The following CCNB1IP1 variants were observed in gnomAD, a reference collection of about 807,000 sequenced individuals.
The protein encoded by CCNB1IP1 is cyclin B1 interacting protein 1.
In CCNB1IP1, 14 loss-of-function variants were observed where a neutral mutation model predicts 25.6. That is an observed-to-expected ratio of 0.55 (90% CI 0.36 to 0.85). The LOEUF is 0.85. CCNB1IP1 is among the 40% of genes least tolerant of loss of function. The pLI is 0.01. For synonymous variants in CCNB1IP1, 119 were observed against 116.1 expected, an observed-to-expected ratio of 1.02 and a Z score of -0.16; for missense variants, 278 against 342.4, an observed-to-expected ratio of 0.81 and a Z score of 1.48.
intron 2 of CCNB1IP1, among the ~76,000 whole-genome samples, chr14:20,328,888 C>T (rs1011616063): frequency 2.0e-5 from 3 of 152,192 alleles, no homozygotes; most frequent in Non-Finnish European, 4.4e-5. Context: ...TGCAAATGCT[C>T]CATAAACAAT....
intron 4 of CCNB1IP1, among the ~76,000 whole-genome samples, chr14:20,322,172 CT>C (rs1882914664): frequency 6.6e-6 from 1 of 152,176 alleles, no homozygotes; most frequent in African/African-American, 2.4e-5. Flanking sequence ...ATAATAGGCA[CT>C]GATTCCAGGT....
At chr14:20,311,934 A>G (rs946917795) in intron 6 of CCNB1IP1, among the ~76,000 whole-genome samples, 182 bp from the exon 7 acceptor site, 3 of 152,198 alleles carry the variant, frequency 2.0e-5, no homozygotes, top group African/African-American at 7.2e-5. Context: ...AAAACATTGC[A>G]ATAAACATTC....
intron 4 of CCNB1IP1, among the ~76,000 whole-genome samples, chr14:20,317,380 G>A (rs1451609256): frequency 1.3e-5 from 2 of 151,932 alleles, no homozygotes; most frequent in Non-Finnish European, 2.9e-5. Flanking sequence ...CACTCCAGCC[G>A]GCGACGGACT....
Position 20,326,723 on chromosome 14 carries a change from A to T in CCNB1IP1, c.-160T>A. 1 of 311,302 alleles carries T rather than the reference A, an allele frequency of 3.2e-6. No homozygotes were observed. Among genetic ancestry groups the T allele is most frequent in the East Asian group, 8.4e-5 (1 of 11,868 alleles). The allele number at this position is 311,302 out of a possible 1,614,324, so 19.3% of individuals were successfully genotyped here. A position where few individuals can be genotyped will look rare whatever the true frequency, so the allele number is the denominator to read the frequency against. Reference sequence around the variant, plus strand: ...TTTTGCTCTTACTCTTACCTCTGGCATCACATGAATCCAGCTTCTATCTAG... The same window carrying T: ...TTTTGCTCTTACTCTTACCTCTGGCTTCACATGAATCCAGCTTCTATCTAG... On this transcript the variant is annotated 5_prime_UTR_variant, in exon 3 of 7. It removes an upstream start codon present in the reference 5' UTR. Transcript: ENST00000358932.
chr14:20,311,539 C>T lies in CCNB1IP1; in HGVS notation c.*11G>A. On this transcript the variant is annotated 3_prime_UTR_variant, in exon 7 of 7. Coordinates refer to ENST00000358932, the MANE Select transcript of CCNB1IP1 (RefSeq NM_021178.5). ...TAGCTGGGATCACAGGTGCGTGACA[C>T]TATGCGTGGCTCAAATTCTTTTTAC... 6.2e-7 allele frequency: 1 copy of T among 1,610,622 alleles called. No homozygotes were observed. The highest frequency in any genetic ancestry group is 1.3e-5 in the African/African-American group (1 of 74,920).
chr14:20,316,378 G>T lies in CCNB1IP1; in HGVS notation c.146C>A (p.Pro49His). 1 of 1,613,994 alleles carries T rather than the reference G, an allele frequency of 6.2e-7. No homozygotes were observed. The highest frequency in any genetic ancestry group is 1.1e-5 in the South Asian group (1 of 91,082). ...TCCAGAAAGGGTACTGTTGCAGGCA[G>T]GACAGATAGCTGGTGAGCGACTAAA... The part of the protein sequence containing the change: ...GEFSRSPAIC[P>H]ACNSTLSGKL... The change falls in exon 5 of 7, where the codon CCT (proline) becomes CAT (histidine). Residue 49 changes from proline (P) to histidine (H), a missense_variant. Transcript: ENST00000358932.
Position 20,313,509 on chromosome 14 carries a change from G to A in CCNB1IP1, c.590C>T (p.Pro197Leu). 1.9e-6 allele frequency: 3 copies of A among 1,611,046 alleles called. No homozygotes were observed. The highest frequency in any genetic ancestry group is 2.5e-6 in the Non-Finnish European group (3 of 1,178,274). The change falls in exon 6 of 7, where the codon CCA becomes CTA. Residue 197 changes from proline to leucine, a missense_variant. Transcript: ENST00000358932. ...TIANHEGTLE[P>L]SMIAQSGVLG... is the part of the protein sequence containing the mutation. Reference sequence around the variant, plus strand: ...AACACCAGACTGTGCAATCATGGATGGTTCAAGGGTGCCTTCATGGTTAGC... The same window carrying A: ...AACACCAGACTGTGCAATCATGGATAGTTCAAGGGTGCCTTCATGGTTAGC...
intron 4 of CCNB1IP1, among the ~76,000 whole-genome samples, chr14:20,317,181 C>T (rs1882730872): frequency 6.6e-6 from 1 of 151,880 alleles, no homozygotes; most frequent in South Asian, 2.1e-4. Context: ...GAGGCCAAGG[C>T]GGGCGGATCA....
At chr14:20,318,697 G>A (rs1006952985) in intron 4 of CCNB1IP1, among the ~76,000 whole-genome samples, 2 of 152,118 alleles carry the variant, frequency 1.3e-5, no homozygotes, top group Non-Finnish European at 2.9e-5. Flanking sequence ...GGATCTGTTA[G>A]AATTCAGATT....
chr14:20,329,812 T>C (rs774435119), intron 1 of CCNB1IP1, among the ~76,000 whole-genome samples: 2 of 152,214 alleles, frequency 1.3e-5, no homozygotes, highest in African/African-American at 4.8e-5. Context: ...ATAATAGATT[T>C]TGAAATCATA....
intron 4 of CCNB1IP1, chr14:20,320,268 A>G: frequency 2.2e-6 from 1 of 453,442 alleles, no homozygotes; most frequent in Non-Finnish European, 4.4e-6. Flanking sequence ...TTCCCAACAT[A>G]AAGAGTCTGA....
In CCNB1IP1 at chr14:20,311,623, C is replaced by T. The variant is rs1305599146; in HGVS notation, c.761G>A (p.Ser254Asn). 1 of 1,614,010 alleles carries T rather than the reference C, an allele frequency of 6.2e-7. No homozygotes were observed. Among genetic ancestry groups the T allele is most frequent in the South Asian group, 1.1e-5 (1 of 91,080 alleles). ...TAATTCACGACTTGGAGAGACAAAA[C>T]TAAAAAAGCTGTTGCTGGGTTCAGG... The part of the protein sequence containing the change: ...TAPEPSNSFF[S>N]FVSPSRELEQ... The change falls in exon 7 of 7, where the codon AGT (serine) becomes AAT (asparagine). Residue 254 changes from serine to asparagine, a missense_variant. Coordinates refer to ENST00000358932, the MANE Select transcript of CCNB1IP1 (RefSeq NM_021178.5).
rs761015806 is a variant in CCNB1IP1 at position 20,311,508 on chromosome 14, C to T, written c.*42G>A. On this transcript the variant is annotated 3_prime_UTR_variant, in exon 7 of 7. Coordinates refer to ENST00000358932, the MANE Select transcript of CCNB1IP1 (RefSeq NM_021178.5). ...CAAGTGATCCTCCCAGCCTCAACCT[C>T]CTAAGTAGCTGGGATCACAGGTGCG... 6.4e-7 allele frequency: 1 copy of T among 1,556,002 alleles called. No individual in the cohort carries two copies. Among genetic ancestry groups the T allele is most frequent in the Admixed American group, 1.7e-5 (1 of 59,880 alleles).
chr14:20,330,090 CTT>C (rs1348081643), intron 1 of CCNB1IP1, among the ~76,000 whole-genome samples: 59 of 142,244 alleles, frequency 4.1e-4, no homozygotes, highest in African/African-American at 1.5e-3. Context: ...AAATTTCACA[CTT>C]TTCCACAGCC....
intron 4 of CCNB1IP1, chr14:20,317,712 G>A (rs1438749251): frequency 6.6e-6 from 1 of 152,242 alleles, no homozygotes; most frequent in Non-Finnish European, 1.5e-5. Flanking sequence ...TAGAGAAACA[G>A]ACCCACAGAA....
Position 20,311,507 on chromosome 14 carries a change from T to A in CCNB1IP1, c.*43A>T. ...TCAAGTGATCCTCCCAGCCTCAACCTCCTAAGTAGCTGGGATCACAGGTGC... is the reference window on the plus strand; with the variant it reads ...TCAAGTGATCCTCCCAGCCTCAACCACCTAAGTAGCTGGGATCACAGGTGC... On this transcript the variant is annotated 3_prime_UTR_variant, in exon 7 of 7. Transcript: ENST00000358932. The A allele has an allele frequency of 1.3e-6, 2 of 1,550,384 alleles. No individual in the cohort carries two copies. Among genetic ancestry groups the A allele is most frequent in the Non-Finnish European group, 1.8e-6 (2 of 1,124,402 alleles).
chr14:20,320,489 G>A, intron 4 of CCNB1IP1: 1 of 300,126 alleles, frequency 3.3e-6, no homozygotes, highest in Non-Finnish European at 6.3e-6. Flanking sequence ...ATATTTATTG[G>A]CTATAAAAAA....
At chr14:20,322,437 A>C (rs1882923636) in intron 4 of CCNB1IP1, among the ~76,000 whole-genome samples, 1 of 152,134 alleles carries the variant, frequency 6.6e-6, no homozygotes, top group Non-Finnish European at 1.5e-5. Context: ...TGGAGTTTAC[A>C]ATCTACCAAA....
intron 6 of CCNB1IP1, among the ~76,000 whole-genome samples, chr14:20,312,558 T>C (rs1020844901): frequency 1.3e-5 from 2 of 151,980 alleles, no homozygotes; most frequent in Admixed American, 1.3e-4. Context: ...CCTCAGCCTA[T>C]AGTAAATATC....
Sources: allele counts gnomAD v4.1 joint callset (sites outside exome capture counted in the v4.1 genomes callset), GRCh38; gene constraint gnomAD v4.1.1; transcripts MANE v1.5; gene names NCBI Gene and HGNC (gene_info 2026-07-23, HGNC 2026-07-21).